Variants in LRRC37A2 observed in about 807,000 individuals in gnomAD.
LRRC37A2 encodes the protein leucine-rich repeat-containing protein 37A2.
In LRRC37A2, 9 loss-of-function variants were observed where a neutral mutation model predicts 68.8. The ratio of observed to expected loss-of-function variants is 0.13; its 90% confidence interval spans 0.08 to 0.23. The LOEUF (loss-of-function observed/expected upper bound fraction) is 0.23. Ranked by LOEUF, LRRC37A2 falls within the 10% of genes least tolerant of loss-of-function variation. The probability of loss-of-function intolerance (pLI) is 1.00; values close to 1 mark genes in which losing one functional copy is unlikely to be tolerated. For synonymous variants in LRRC37A2, 63 were observed against 367.6 expected (o/e 0.17, Z 9.48); for missense variants, 168 against 950.4 (o/e 0.18, Z 10.82).
chr17:46,461,603 CTTTTCT>C, the LRRC37A2 span, among the ~76,000 whole-genome samples: 1 of 76,806 alleles, frequency 1.3e-5, no homozygotes, highest in African/African-American at 4.8e-5. Flanking sequence ...CATTTTGTAA[CTTTTCT>C]CTATGTGTGA....
the LRRC37A2 span, among the ~76,000 whole-genome samples, chr17:46,979,487 A>C: frequency 2.0e-5 from 3 of 151,040 alleles, no homozygotes; most frequent in African/African-American, 4.9e-5. Flanking sequence ...TGGCTAGAAA[A>C]CCTCTCCAAG....
chr17:46,918,215 G>A, the LRRC37A2 span, among the ~76,000 whole-genome samples: 3 of 152,200 alleles, frequency 2.0e-5, no homozygotes, highest in African/African-American at 4.8e-5. Flanking sequence ...GAGTAGCTGG[G>A]ACTACAGGCA....
At chr17:46,961,186 A>G in the LRRC37A2 span, among the ~76,000 whole-genome samples, 1 of 152,212 alleles carries the variant, frequency 6.6e-6, no homozygotes, top group Non-Finnish European at 1.5e-5. Context: ...TGCTTTTAAA[A>G]ATGGAAGGGT....
chr17:46,916,522 G>A, the LRRC37A2 span, among the ~76,000 whole-genome samples: 22 of 152,114 alleles, frequency 1.4e-4, no homozygotes, highest in African/African-American at 4.8e-4. Flanking sequence ...AACTCTGATC[G>A]GCGAAATTTT....
the LRRC37A2 span, among the ~76,000 whole-genome samples, chr17:46,767,041 T>C: frequency 1.3e-5 from 2 of 151,954 alleles, no homozygotes; most frequent in African/African-American, 4.8e-5. Context: ...CCAACACCCA[T>C]GCTCATGCCT....
chr17:47,041,293 G>A, the LRRC37A2 span, among the ~76,000 whole-genome samples: 1 of 4,350 alleles, frequency 2.3e-4, no homozygotes, highest in African/African-American at 1.6e-3. Context: ...AAATCTCACT[G>A]TTCTTACAGA....
chr17:46,756,137 C>A, the LRRC37A2 span: 3 of 266,536 alleles, frequency 1.1e-5, no homozygotes, highest in African/African-American at 6.6e-5. Flanking sequence ...ACGTTTCAAC[C>A]TCTCTACTAG....
rs1213690170 is a variant in LRRC37A2, at chr17:46,530,299, CAAAA to C, written c.2906+6420_2906+6423del. Among the ~76,000 whole-genome samples, 90 of 107,878 alleles carry C rather than the reference CAAAA, an allele frequency of 8.3e-4. 1 individual carries two copies. The highest frequency in any genetic ancestry group is 2.7e-3 in the African/African-American group (89 of 33,324). 70.8% of individuals were successfully genotyped at this position (107,878 alleles called of 152,430 possible). A position where few individuals can be genotyped will look rare whatever the true frequency, so the allele number is the denominator to read the frequency against. ...CCAGTGGTCTTACAAGTTTTCATGC[CAAAA>C]AAAATCACGAAGGATATTTAAAGCC... On this transcript the variant is annotated intron_variant, in intron 6 of 14. Transcript: ENST00000576629.
At chr17:46,764,502 G>C in the LRRC37A2 span, 1 of 152,290 alleles carries the variant, frequency 6.6e-6, no homozygotes, top group Non-Finnish European at 1.5e-5. Context: ...TTTACCACGC[G>C]TGCGGCTGGT....
chr17:46,978,884 C>G, the LRRC37A2 span: 2 of 1,543,518 alleles, frequency 1.3e-6, no homozygotes, highest in East Asian at 2.4e-5. Context: ...AGCGGTGCGC[C>G]CCCTGGACAG....
chr17:46,719,046 A>G, the LRRC37A2 span, among the ~76,000 whole-genome samples: 2 of 152,220 alleles, frequency 1.3e-5, no homozygotes, highest in African/African-American at 4.8e-5. The surrounding 1 kb of genome is among the most constrained non-coding windows in gnomAD (Gnocchi z 4.3). Context: ...GCTTCACCAT[A>G]TAAGAGTATG....
the LRRC37A2 span, chr17:46,726,405 G>C: frequency 2.7e-6 from 2 of 751,548 alleles, no homozygotes; most frequent in Non-Finnish European, 4.6e-6. Flanking sequence ...GTGATCCAGT[G>C]TGTCAATTCT....
At chr17:46,956,381 C>G in the LRRC37A2 span, among the ~76,000 whole-genome samples, 2 of 147,402 alleles carry the variant, frequency 1.4e-5, no homozygotes, top group Admixed American at 1.4e-4. Flanking sequence ...ACCTCCACCT[C>G]CCGGGTTCAA....
At chr17:46,721,326 T>G in the LRRC37A2 span, among the ~76,000 whole-genome samples, 2 of 152,198 alleles carry the variant, frequency 1.3e-5, no homozygotes, top group African/African-American at 2.4e-5. Flanking sequence ...TCTTCCTTCC[T>G]TTAGAGTAGA....
chr17:46,781,145 T>A, the LRRC37A2 span, among the ~76,000 whole-genome samples: 1 of 151,674 alleles, frequency 6.6e-6, no homozygotes, highest in African/African-American at 2.4e-5. Flanking sequence ...GGAGTATTGC[T>A]TGAACCTGAG....
chr17:46,787,039 C>T, the LRRC37A2 span, among the ~76,000 whole-genome samples: 1 of 151,810 alleles, frequency 6.6e-6, no homozygotes. Flanking sequence ...CTTGGCTCAA[C>T]CAGTCCTTCC....
the LRRC37A2 span, among the ~76,000 whole-genome samples, chr17:46,784,869 G>A: frequency 5.3e-5 from 8 of 151,200 alleles, no homozygotes; most frequent in African/African-American, 1.9e-4. Flanking sequence ...TCCACCTCCC[G>A]GGTTCACGCC....
chr17:46,490,957 C>T, the LRRC37A2 span, among the ~76,000 whole-genome samples: 16,107 of 147,896 alleles, frequency 0.11, 1,012 homozygotes, highest in East Asian at 0.28. Flanking sequence ...TGCAGTGGCG[C>T]GATCTCGGCT....
chr17:46,751,245 A>AT, the LRRC37A2 span, among the ~76,000 whole-genome samples: 3 of 152,128 alleles, frequency 2.0e-5, no homozygotes, highest in Non-Finnish European at 4.4e-5. Flanking sequence ...GATTGGAGCT[A>AT]TTTTTTTCCC....
Sources: gnomAD v4.1 joint callset for allele counts (sites outside exome capture counted in the v4.1 genomes callset) on GRCh38, gnomAD v4.1.1 for gene constraint, Gnocchi (gnomAD v3.1) non-coding constraint, MANE v1.5 for transcripts, NCBI Gene and HGNC (gene_info 2026-07-23, HGNC 2026-07-21) for gene names.